LRBA: variants seen among roughly 807,000 people sequenced by gnomAD.
LRBA encodes lipopolysaccharide-responsive and beige-like anchor protein.
In LRBA, 176 loss-of-function variants were observed where a neutral mutation model predicts 330.0. That is an observed-to-expected ratio of 0.53 (90% CI 0.47 to 0.60). The LOEUF (loss-of-function observed/expected upper bound fraction) is 0.60. Ranked by LOEUF, LRBA falls within the 20% of genes least tolerant of loss-of-function variation. The pLI, the probability that LRBA is intolerant of heterozygous loss-of-function variation, is 0.00. For synonymous variants in LRBA, 1,230 were observed against 1,193.0 expected (o/e 1.03, Z -0.64); for missense variants, 3,259 against 3,444.8 (o/e 0.95, Z 1.35).
intron 35 of LRBA, among the ~76,000 whole-genome samples, chr4:150,743,587 A>C (rs1732304085): frequency 6.6e-6 from 1 of 152,236 alleles, no homozygotes; most frequent in Non-Finnish European, 1.5e-5. Context: ...CTGTGTGCCA[A>C]ATCTAGCCTG....
chr4:150,844,073 G>C, intron 28 of LRBA, 27 bp downstream of exon 28: 1 of 1,344,688 alleles, frequency 7.4e-7, no homozygotes, highest in Non-Finnish European at 1.1e-6. Context: ...AGTTAAGAGA[G>C]TATGTGAAAG....
chr4:150,335,362 A>G (rs1439888104), intron 48 of LRBA, among the ~76,000 whole-genome samples: 2 of 151,392 alleles, frequency 1.3e-5, no homozygotes, highest in East Asian at 3.9e-4. Flanking sequence ...TATATAGAGT[A>G]TGACCTTATT....
At chr4:150,575,746 T>G (rs545544254) in intron 40 of LRBA, among the ~76,000 whole-genome samples, 3 of 151,632 alleles carry the variant, frequency 2.0e-5, no homozygotes, top group Non-Finnish European at 4.4e-5. Context: ...AGAAAGGGAG[T>G]GGGGATGGAT....
intron 46 of LRBA, chr4:150,422,646 TAGA>T (rs1748979043): frequency 1.6e-6 from 1 of 627,936 alleles, no homozygotes; most frequent in Non-Finnish European, 2.9e-6. Flanking sequence ...CTGAGTTCCT[TAGA>T]AGAACTGGCA....
At position 150,277,455 on chromosome 4, in the gene LRBA, G is replaced by A. The variant is rs983007946; in HGVS notation, c.8468+398C>T. On this transcript the variant is annotated intron_variant, in intron 56 of 56. Transcript: ENST00000651943. Reference sequence around the variant, plus strand: ...ACTTCAAAGAAATATAAAAAGCTTTGCATCACTGTAATCAGAGCCTTTGCT... The same window carrying A: ...ACTTCAAAGAAATATAAAAAGCTTTACATCACTGTAATCAGAGCCTTTGCT... 6.5e-4 allele frequency among the ~76,000 whole-genome samples: 99 copies of A among 152,144 alleles called. 2 individuals are homozygous for A. Among genetic ancestry groups the A allele is most frequent in the African/African-American group, 2.3e-3 (96 of 41,532 alleles).
At chr4:150,366,349 A>G (rs920103816) in intron 47 of LRBA, among the ~76,000 whole-genome samples, 2 of 152,230 alleles carry the variant, frequency 1.3e-5, no homozygotes, top group Non-Finnish European at 2.9e-5. Context: ...TTCTTCAAAA[A>G]TATAACTCTT....
chr4:150,599,657 T>C (rs1195248221), intron 37 of LRBA, among the ~76,000 whole-genome samples: 2 of 152,252 alleles, frequency 1.3e-5, no homozygotes, highest in Non-Finnish European at 2.9e-5. Flanking sequence ...TTAACTTTAA[T>C]GAATATCTCA....
chr4:150,400,118 T>C (rs929908255), intron 47 of LRBA, among the ~76,000 whole-genome samples: 5 of 152,226 alleles, frequency 3.3e-5, no homozygotes, highest in South Asian at 4.1e-4. Flanking sequence ...TACTGGACTA[T>C]AGTTTTCAAG....
intron 2 of LRBA, among the ~76,000 whole-genome samples, chr4:150,976,128 T>C (rs541977104): frequency 6.8e-6 from 1 of 147,748 alleles, no homozygotes; most frequent in African/African-American, 2.5e-5. Context: ...TGAGCCAAGA[T>C]TGTGCCACTG....
At chr4:150,538,008 T>C (rs1373354349) in intron 40 of LRBA, among the ~76,000 whole-genome samples, 1 of 151,350 alleles carries the variant, frequency 6.6e-6, no homozygotes, top group South Asian at 2.1e-4. Flanking sequence ...ATGTGTCCAA[T>C]GTGCAACCAA....
intron 42 of LRBA, among the ~76,000 whole-genome samples, chr4:150,478,257 T>A (rs759757220): frequency 2.0e-5 from 3 of 152,156 alleles, no homozygotes; most frequent in Admixed American, 6.6e-5. Context: ...CTATTCAACA[T>A]TTCAATCTGG....
chr4:150,804,592 C>T (rs1742268094), intron 33 of LRBA, among the ~76,000 whole-genome samples: 1 of 152,082 alleles, frequency 6.6e-6, no homozygotes. Flanking sequence ...CAAAAGATTA[C>T]AATAACTAAA....
At chr4:150,415,840 C>A (rs1389240217) in intron 46 of LRBA, among the ~76,000 whole-genome samples, 1 of 152,060 alleles carries the variant, frequency 6.6e-6, no homozygotes, top group African/African-American at 2.4e-5. Context: ...TGTCTCATAA[C>A]CTCAAAACTC....
intron 47 of LRBA, among the ~76,000 whole-genome samples, chr4:150,397,640 T>C (rs1383496062): frequency 6.6e-6 from 1 of 152,172 alleles, no homozygotes; most frequent in Non-Finnish European, 1.5e-5. Flanking sequence ...TTAAAACATA[T>C]GCAGTAGTAT....
chr4:150,717,237 G>T (rs1728321760), intron 36 of LRBA, among the ~76,000 whole-genome samples: 1 of 151,932 alleles, frequency 6.6e-6, no homozygotes, highest in African/African-American at 2.4e-5. Context: ...TATTTGTTAA[G>T]AATTCAGAAA....
At chr4:150,812,518 C>T (rs1013976835) in intron 31 of LRBA, among the ~76,000 whole-genome samples, 1 of 152,192 alleles carries the variant, frequency 6.6e-6, no homozygotes, top group African/African-American at 2.4e-5. Flanking sequence ...CTGCATTTCT[C>T]TCTCTCTTTT....
At chr4:150,407,220 G>A (rs891969110) in intron 47 of LRBA, among the ~76,000 whole-genome samples, 1 of 152,154 alleles carries the variant, frequency 6.6e-6, no homozygotes, top group Non-Finnish European at 1.5e-5. Flanking sequence ...GAAGACACAG[G>A]CAGACATCCT....
chr4:150,883,905 G>A (rs1390923917), intron 17 of LRBA, among the ~76,000 whole-genome samples: 2 of 151,950 alleles, frequency 1.3e-5, no homozygotes. Flanking sequence ...CAAAATAGGG[G>A]GAATAATGAT....
At chr4:150,298,604 T>C (rs1360021855) in intron 53 of LRBA, among the ~76,000 whole-genome samples, 1 of 152,112 alleles carries the variant, frequency 6.6e-6, no homozygotes, top group Non-Finnish European at 1.5e-5. Flanking sequence ...TTATGGTTAA[T>C]AAAACCTTCT....
Sources: gnomAD v4.1 joint callset for allele counts (sites outside exome capture counted in the v4.1 genomes callset) on GRCh38, gnomAD v4.1.1 for gene constraint, MANE v1.5 for transcripts, NCBI Gene and HGNC (gene_info 2026-07-23, HGNC 2026-07-21) for gene names.